Variants in DLGAP2 observed in about 807,000 individuals in gnomAD.
DLGAP2 encodes the protein disks large-associated protein 2.
In DLGAP2, 26 loss-of-function variants were observed where a neutral mutation model predicts 100.3. The observed-to-expected ratio is 0.26, with a 90% CI of 0.19 to 0.36. DLGAP2 has a LOEUF of 0.36. Ranked by LOEUF, DLGAP2 falls within the 10% of genes least tolerant of loss-of-function variation. DLGAP2 has a pLI of 1.00. For synonymous variants in DLGAP2, 886 were observed against 630.1 expected (o/e 1.41, Z -6.08); for missense variants, 1,858 against 1,453.2 (o/e 1.28, Z -4.53).
chr8:1,328,977 G>A (rs2117054152), intron 3 of DLGAP2, among the ~76,000 whole-genome samples: 1 of 152,362 alleles, frequency 6.6e-6, no homozygotes, highest in Non-Finnish European at 1.5e-5. Flanking sequence ...AATTATGCGT[G>A]GAAGGCACTT....
At chr8:1,146,640 TGTGA>T (rs201979861) in intron 2 of DLGAP2, among the ~76,000 whole-genome samples, 1,644 of 152,152 alleles carry the variant, frequency 0.011, 35 homozygotes, top group African/African-American at 0.037. Context: ...TGTGTGTGCA[TGTGA>T]GTGTGTGCAT....
chr8:837,221 T>A (rs748305489), intron 1 of DLGAP2, among the ~76,000 whole-genome samples: 1 of 152,226 alleles, frequency 6.6e-6, no homozygotes, highest in Non-Finnish European at 1.5e-5. Context: ...TGCCCAGTGC[T>A]GCTGGCATGA....
intron 1 of DLGAP2, among the ~76,000 whole-genome samples, chr8:800,710 G>T (rs970109850): frequency 2.0e-5 from 3 of 152,152 alleles, no homozygotes; most frequent in Non-Finnish European, 4.4e-5. Flanking sequence ...GTGTGTGTCT[G>T]TGTGTCCATG....
intron 4 of DLGAP2, among the ~76,000 whole-genome samples, chr8:1,527,176 G>T (rs1213782537): frequency 6.6e-6 from 1 of 152,230 alleles, no homozygotes; most frequent in African/African-American, 2.4e-5. Context: ...ACAAATCCGT[G>T]ACTGACATGG....
chr8:1,192,443 C>T (rs554421200), intron 2 of DLGAP2, among the ~76,000 whole-genome samples: 3 of 152,232 alleles, frequency 2.0e-5, no homozygotes, highest in African/African-American at 7.2e-5. Context: ...CAGTGATTTT[C>T]TAGAATATGA....
intron 1 of DLGAP2, among the ~76,000 whole-genome samples, chr8:899,158 C>T (rs1357733808): frequency 5.3e-5 from 8 of 152,226 alleles, no homozygotes; most frequent in Admixed American, 5.2e-4. Context: ...GCATCTCCAG[C>T]CCCTGGATGG....
At chr8:1,191,366 T>G (rs185222686) in intron 2 of DLGAP2, among the ~76,000 whole-genome samples, 1 of 152,032 alleles carries the variant, frequency 6.6e-6, no homozygotes, top group Admixed American at 6.6e-5. Context: ...GAGACGGGAT[T>G]TCACCGTGTT....
intron 2 of DLGAP2, among the ~76,000 whole-genome samples, chr8:1,189,205 G>A (rs1188028374): frequency 1.4e-5 from 2 of 145,304 alleles, no homozygotes; most frequent in Non-Finnish European, 3.0e-5. Flanking sequence ...ACCTTACACA[G>A]GATTTGGGCC....
chr8:1,313,037 C>G (rs557588003), intron 3 of DLGAP2, among the ~76,000 whole-genome samples: 7 of 152,352 alleles, frequency 4.6e-5, no homozygotes, highest in African/African-American at 1.7e-4. Flanking sequence ...GACTGAGACG[C>G]ACATGTGCCT....
At chr8:904,590 A>T (rs377434274) in intron 1 of DLGAP2, among the ~76,000 whole-genome samples, 1 of 152,174 alleles carries the variant, frequency 6.6e-6, no homozygotes, top group Admixed American at 6.5e-5. Flanking sequence ...CTTCTTCTCC[A>T]CGTTCTGTGA....
At chr8:1,588,269 C>A (rs1323518629) in intron 6 of DLGAP2, among the ~76,000 whole-genome samples, 2 of 152,014 alleles carry the variant, frequency 1.3e-5, no homozygotes, top group Admixed American at 6.6e-5. Context: ...GAAGGTGCGA[C>A]CTTCGAGATT....
At chr8:781,420 T>G (rs556104101) in intron 1 of DLGAP2, among the ~76,000 whole-genome samples, 60 of 151,010 alleles carry the variant, frequency 4.0e-4, no homozygotes, top group Admixed American at 1.1e-3. Flanking sequence ...CCTCAGGGAT[T>G]TTTTTTTTGT....
At chr8:1,024,322 G>A (rs1231664913) in intron 2 of DLGAP2, among the ~76,000 whole-genome samples, 9 of 118,554 alleles carry the variant, frequency 7.6e-5, no homozygotes, top group South Asian at 2.9e-4. Flanking sequence ...AGACACCCCA[G>A]CCACCACCCA....
chr8:1,614,784 G>A (rs1451468067), intron 6 of DLGAP2, among the ~76,000 whole-genome samples: 4 of 152,230 alleles, frequency 2.6e-5, no homozygotes, highest in African/African-American at 7.2e-5. Context: ...TTATATTGAA[G>A]AAACACTCAT....
chr8:1,205,315 G>A (rs544195287), intron 2 of DLGAP2, among the ~76,000 whole-genome samples: 3 of 152,308 alleles, frequency 2.0e-5, no homozygotes, highest in Admixed American at 6.5e-5. Flanking sequence ...CCCCTGAGGC[G>A]ACGGGCAGCC....
intron 2 of DLGAP2, among the ~76,000 whole-genome samples, chr8:1,120,978 C>T (rs1796029177): frequency 6.6e-6 from 1 of 151,566 alleles, no homozygotes; most frequent in African/African-American, 2.4e-5. Context: ...CCATCCTCGT[C>T]CCTTCAGAAC....
intron 3 of DLGAP2, among the ~76,000 whole-genome samples, chr8:1,421,606 C>A (rs751071486): frequency 6.6e-6 from 1 of 152,014 alleles, no homozygotes; most frequent in Non-Finnish European, 1.5e-5. Context: ...AAGAGAGTAA[C>A]GATTGCAAAA....
rs1001388351 is a variant in DLGAP2, at chr8:914,270, C to G, written c.73+6304C>G. On this transcript the variant is annotated intron_variant, in intron 2 of 14. Coordinates refer to ENST00000637795, the MANE Select transcript of DLGAP2 (RefSeq NM_001346810.2). ...CCCCGGAGCCTCCCCCGTGACCCGCCTCTAATGACCCAGCGCCACCTTCCA... is the reference window on the plus strand; with the variant it reads ...CCCCGGAGCCTCCCCCGTGACCCGCGTCTAATGACCCAGCGCCACCTTCCA... Among the ~76,000 whole-genome samples, 9 of 152,352 alleles carry G rather than the reference C, an allele frequency of 5.9e-5. No individual in the cohort carries two copies. In the East Asian group the frequency reaches 1.5e-3, roughly 26 times the overall value.
intron 1 of DLGAP2, among the ~76,000 whole-genome samples, chr8:777,447 G>T (rs13276228): frequency 6.6e-6 from 1 of 151,704 alleles, no homozygotes; most frequent in Non-Finnish European, 1.5e-5. Flanking sequence ...TCCTAGTCTC[G>T]ATGGTCTTTA....
Sources: gnomAD v4.1 joint callset for allele counts (sites outside exome capture counted in the v4.1 genomes callset) on GRCh38, gnomAD v4.1.1 for gene constraint, MANE v1.5 for transcripts, NCBI Gene and HGNC (gene_info 2026-07-23, HGNC 2026-07-21) for gene names.